PLEC: variants seen among roughly 807,000 people sequenced by gnomAD.
PLEC encodes hemidesmosomal protein 1.
Under a neutral mutation model 392.8 loss-of-function variants are expected in PLEC, and 216 were observed. The observed-to-expected ratio is 0.55, with a 90% CI of 0.49 to 0.62. The LOEUF (loss-of-function observed/expected upper bound fraction) is 0.62, where lower values mean the gene tolerates loss of function less well. Among genes scored for constraint, PLEC ranks in the 20% least tolerant of loss-of-function variants. PLEC has a pLI of 0.00. For synonymous variants in PLEC, 3,621 were observed against 2,980.6 expected, an observed-to-expected ratio of 1.21 and a Z score of -7.00; for missense variants, 6,863 against 6,563.4, an observed-to-expected ratio of 1.05 and a Z score of -1.58.
In PLEC at chr8:143,920,345, G is replaced by T; in HGVS notation, c.9476C>A (p.Ala3159Asp). The T allele has an allele frequency of 6.3e-7, 1 of 1,594,440 alleles. No homozygotes were observed. ...SHRVPLDVAC[A>D]RGCLDEETSR... ...GGTCTCCTCATCCAGGCAGCCTCGGGCGCAGGCGACATCCAGGGGCACGCG... is the reference window on the plus strand; with the variant it reads ...GGTCTCCTCATCCAGGCAGCCTCGGTCGCAGGCGACATCCAGGGGCACGCG... The change falls in exon 32 of 32, where the codon GCC becomes GAC. Residue 3159 changes from alanine (A) to aspartate (D), a missense_variant. By Grantham distance (126) the Ala-to-Asp change is moderately radical (BLOSUM62 -2). Transcript: ENST00000345136.
Position 143,916,352 on chromosome 8 carries a change from C to A in PLEC, c.13469G>T (p.Arg4490Leu), listed in dbSNP as rs782151802. ...CCGGGAGCCGGTGCGCGAGCCGGTG[C>A]GGGAGCCAGCGGTAGAGCCGGAGCC... ...VSGSGSTAGS[R>L]TGSRTGSRAG... The change falls in exon 32 of 32, where the codon CGC (arginine) becomes CTC (leucine). Residue 4490 changes from arginine to leucine, a missense_variant. Transcript: ENST00000345136. 6.2e-7 allele frequency: 1 copy of A among 1,605,568 alleles called. No individual in the cohort carries two copies. Among genetic ancestry groups the A allele is most frequent in the Non-Finnish European group, 8.5e-7 (1 of 1,176,586 alleles).
chr8:143,937,494 G>A (rs782083526), intron 3 of PLEC, among the ~76,000 whole-genome samples: 3 of 152,160 alleles, frequency 2.0e-5, no homozygotes, highest in Non-Finnish European at 2.9e-5. Flanking sequence ...GGAGACAATA[G>A]CCAGGAAGCC....
chr8:143,933,821 A>G lies in PLEC; in HGVS notation c.1263+177T>C, dbSNP rs11136337. Among the ~76,000 whole-genome samples the G allele has an allele frequency of 0.29, 44,878 of 152,194 alleles. 7,874 individuals carry two copies. Among genetic ancestry groups the G allele is most frequent in the Non-Finnish European group, 0.39 (26,547 of 67,958 alleles). ...CTGCCCAAAGCAGGCAGTGAGAGTT[A>G]GCTGCACACGAGGAGGGAGGAGCTC... is the stretch of plus-strand genomic sequence containing the variant. On this transcript the variant is annotated intron_variant, in intron 12 of 31. Transcript: ENST00000345136.
chr8:143,959,812 C>T (rs546335997), intron 1 of PLEC, among the ~76,000 whole-genome samples: 1 of 151,806 alleles, frequency 6.6e-6, no homozygotes, highest in South Asian at 2.1e-4. Context: ...CTGGCTAACA[C>T]AGTGAAACCC....
intron 5 of PLEC, 84 bp downstream of exon 5, chr8:143,936,895 A>C: frequency 9.2e-7 from 1 of 1,087,236 alleles, no homozygotes; most frequent in South Asian, 1.3e-5. Context: ...CTAGCCAGAA[A>C]GCGGATCAAC....
At chr8:143,973,903 G>A (rs1554745234), upstream of PLEC, among the ~76,000 whole-genome samples, 2 of 152,002 alleles carry the variant, frequency 1.3e-5, no homozygotes, top group African/African-American at 4.8e-5. The surrounding 1 kb of genome is among the most constrained non-coding windows in gnomAD (Gnocchi z 5.6). Context: ...TTGCAACATT[G>A]GAGACGACTG....
Position 143,938,135 on chromosome 8 carries a change from G to A in PLEC, c.264+16C>T, listed in dbSNP as rs782194037. 4 of 1,589,454 alleles carry A rather than the reference G, an allele frequency of 2.5e-6. No homozygotes were observed. The South Asian group carries it at 3.3e-5, about 13-fold the overall frequency. On this transcript the variant is annotated intron_variant, in intron 3 of 31. Coordinates refer to ENST00000345136, the MANE Select transcript of PLEC (RefSeq NM_201384.3). ...GTGGGGCAGGCGGGGCCCGGAGGGG[G>A]CAGGGGCACACGTACCAGGCTGTCC...
At chr8:143,952,208 ACGCG>A (rs113868176), upstream of PLEC, among the ~76,000 whole-genome samples, 5,754 of 130,822 alleles carry the variant, frequency 0.044, 128 homozygotes, top group African/African-American at 0.048. Context: ...ACACACACAC[ACGCG>A]CGCACACACG....
chr8:143,956,461 G>T (rs573733402), upstream of PLEC, among the ~76,000 whole-genome samples: 1 of 152,178 alleles, frequency 6.6e-6, no homozygotes, highest in Non-Finnish European at 1.5e-5. Flanking sequence ...CCAGCTCTTT[G>T]GGATGCTGAG....
At chr8:143,940,062 G>T (rs527515559), upstream of PLEC, among the ~76,000 whole-genome samples, 4 of 152,340 alleles carry the variant, frequency 2.6e-5, no homozygotes, top group African/African-American at 4.8e-5. Context: ...GAGGGGAGGG[G>T]ACCTGCTGCC....
intron 3 of PLEC, 104 bp downstream of exon 3, chr8:143,938,047 G>T: frequency 1.2e-6 from 1 of 804,744 alleles, no homozygotes; most frequent in Non-Finnish European, 2.1e-6. Flanking sequence ...GGTTGAGCTG[G>T]ATTCCAAGTA....
chr8:143,935,823 G>A (rs782734841), intron 6 of PLEC, 25 bp downstream of exon 6: 2 of 1,611,402 alleles, frequency 1.2e-6, no homozygotes, highest in Non-Finnish European at 1.7e-6. Context: ...CCAGCCCACA[G>A]CCCCCTGCCC....
chr8:143,932,527 C>T lies in PLEC; in HGVS notation c.1850G>A (p.Ser617Asn), dbSNP rs1554717295. The T allele has an allele frequency of 1.2e-6, 2 of 1,612,642 alleles. No individual in the cohort carries two copies. The highest frequency in any genetic ancestry group is 3.3e-5 in the Admixed American group (2 of 60,026). ...GGCGGCTGCCACAAAGCTGTGCAAG[C>T]TCTCCAGGGACCTGAGGCGGGCCTT... is the stretch of plus-strand genomic sequence containing the variant. The part of the protein sequence containing the change: ...SSKARLRSLE[S>N]LHSFVAAATK... Residue 617 changes from serine (S) to asparagine (N), a missense_variant, in exon 16 of 32, where the codon AGC becomes AAC. Ser to Asn is a conservative substitution (Grantham distance 46). Coordinates refer to ENST00000345136, the MANE Select transcript of PLEC (RefSeq NM_201384.3).
chr8:143,920,348 C>A lies in PLEC; in HGVS notation c.9473G>T (p.Cys3158Phe). The A allele has an allele frequency of 1.3e-6, 2 of 1,594,632 alleles. No homozygotes were observed. Among genetic ancestry groups the A allele is most frequent in the Non-Finnish European group, 8.5e-7 (1 of 1,175,648 alleles). ...CTCCTCATCCAGGCAGCCTCGGGCG[C>A]AGGCGACATCCAGGGGCACGCGGTG... ...KSHRVPLDVA[C>F]ARGCLDEETS... is the part of the protein sequence containing the mutation. The change falls in exon 32 of 32, where the codon TGC becomes TTC. Residue 3158 changes from cysteine to phenylalanine, a missense_variant. By Grantham distance (205) the Cys-to-Phe change is radical. Coordinates refer to ENST00000345136, the MANE Select transcript of PLEC (RefSeq NM_201384.3).
rs782669579 is a variant in PLEC, at chr8:143,916,288, G to T, written c.13533C>A (p.Ser4511=). The T allele has an allele frequency of 1.3e-6, 2 of 1,569,456 alleles. No individual in the cohort carries two copies. Among genetic ancestry groups the T allele is most frequent in the East Asian group, 4.7e-5 (2 of 42,252 alleles). ...ATGAAGAGAAGGTCATGGAGAAGCC[G>T]GAGCCGGTGGCGTCAAAGCTGCCGC... ...SRRGSFDATG[S]GFSMTFSSSS... is the part of the protein sequence containing the mutation. The change falls in exon 32 of 32, where the codon TCC becomes TCA. Residue 4511 remains serine, a synonymous_variant. Transcript: ENST00000345136.
chr8:143,975,025 T>A, upstream of PLEC: 1 of 844,034 alleles, frequency 1.2e-6, no homozygotes, highest in Non-Finnish European at 1.8e-6. The surrounding 1 kb of genome is among the most constrained non-coding windows in gnomAD (Gnocchi z 9.9). Flanking sequence ...CTGTGCCGCC[T>A]GCACTCACCT....
chr8:143,939,383 G>A lies in PLEC; in HGVS notation c.79C>T (p.Leu27=). The stretch of plus-strand genomic sequence containing the variant: ...CCCTCAGAGGCCCTGAGCACAGCCA[G>A]GTACAGGTTGTCCTCCGAGCTGGTT... ...KRTSSEDNLY[L]AVLRASEGKK... The change falls in exon 1 of 32, where the codon CTG becomes TTG. Residue 27 remains leucine (L), a synonymous_variant. Coordinates refer to ENST00000345136, the MANE Select transcript of PLEC (RefSeq NM_201384.3). The A allele has an allele frequency of 6.2e-7, 1 of 1,612,738 alleles. No homozygotes were observed. Among genetic ancestry groups the A allele is most frequent in the South Asian group, 1.1e-5 (1 of 90,986 alleles).
At position 143,969,927 on chromosome 8, in the gene PLEC, G is replaced by A. The variant is rs1441545216; in HGVS notation, c.70+3476C>T. Among the ~76,000 whole-genome samples the A allele has an allele frequency of 1.3e-5, 2 of 151,954 alleles. No individual in the cohort carries two copies. Among genetic ancestry groups the A allele is most frequent in the African/African-American group, 4.8e-5 (2 of 41,358 alleles). On this transcript the variant is annotated intron_variant, in intron 1 of 31. Transcript: ENST00000356346. This position sits in a 1 kb window ranked among gnomAD's most constrained non-coding sequence, Gnocchi z 5.1. ...GGGGTGGGAGGCCTGCATTGGTCTG[G>A]GGGAAAAGCGGGCCTGGAGAGGGGC...
upstream of PLEC, chr8:143,953,980 C>CA: frequency 7.8e-7 from 1 of 1,274,176 alleles, no homozygotes; most frequent in South Asian, 1.7e-5. Context: ...CCCTCCCCCC[C>CA]AGCCTGTGGT....
Sources: allele counts gnomAD v4.1 joint callset (sites outside exome capture counted in the v4.1 genomes callset), GRCh38; gene constraint gnomAD v4.1.1; non-coding constraint Gnocchi (gnomAD v3.1); transcripts MANE v1.5; gene names NCBI Gene and HGNC (gene_info 2026-07-23, HGNC 2026-07-21).